The following CELSR1 variants were observed in gnomAD, a reference collection of about 807,000 sequenced individuals.
CELSR1 encodes the protein cadherin EGF LAG seven-pass G-type receptor 1, also known as adhesion G protein-coupled receptor C1.
In CELSR1, 110 loss-of-function variants were observed where a neutral mutation model predicts 249.1. The ratio of observed to expected loss-of-function variants is 0.44; its 90% CI spans 0.38 to 0.52. The LOEUF is 0.52. Ranked by LOEUF, CELSR1 falls within the 20% of genes least tolerant of loss-of-function variation. The pLI, the probability that CELSR1 is intolerant of heterozygous loss-of-function variation, is 0.00. For missense variants in CELSR1, 4,109 were observed against 4,296.4 expected (o/e 0.96, Z 1.22); for synonymous variants, 2,113 against 1,900.0 (o/e 1.11, Z -2.92).
intron 1 of CELSR1, among the ~76,000 whole-genome samples, chr22:46,474,343 TC>T (rs1412422021): frequency 3.3e-5 from 5 of 151,996 alleles, no homozygotes; most frequent in African/African-American, 7.2e-5. Flanking sequence ...AAGTCCACAC[TC>T]TGTAACCCCA....
Position 46,436,022 on chromosome 22 carries a change from T to C in CELSR1, c.4522+152A>G, listed in dbSNP as rs928448904. ...CCTGTTATGAACATCTTTGTGTACT[T>C]TGGATTTCTTAAATAAGACAGCTTC... On this transcript the variant is annotated intron_variant, in intron 4 of 34. Coordinates refer to ENST00000674500, the MANE Select transcript of CELSR1 (RefSeq NM_001378328.1). The surrounding 1 kb of genome is among the most constrained non-coding windows in gnomAD (Gnocchi z 5.9). The C allele has an allele frequency of 2.1e-5, 13 of 606,728 alleles. No homozygotes were observed. In the Admixed American group the frequency reaches 3.6e-4, roughly 17 times the overall value. The allele number at this position is 606,728 out of a possible 1,614,324, so 37.6% of individuals were successfully genotyped here.
intron 29 of CELSR1, 115 bp downstream of exon 29, chr22:46,366,878 C>A: frequency 1.4e-6 from 2 of 1,404,404 alleles, no homozygotes; most frequent in Middle Eastern, 5.2e-4. Context: ...GCTCTGCCAT[C>A]CCCACCGTGA....
Position 46,407,011 on chromosome 22 carries a change from G to T in CELSR1, c.5226+1985C>A, listed in dbSNP as rs944353361. Among the ~76,000 whole-genome samples the T allele has an allele frequency of 6.6e-6, 1 of 152,202 alleles. No homozygotes were observed. The highest frequency in any genetic ancestry group is 1.5e-5 in the Non-Finnish European group (1 of 68,026). On this transcript the variant is annotated intron_variant, in intron 9 of 34. Coordinates refer to ENST00000674500, the MANE Select transcript of CELSR1 (RefSeq NM_001378328.1). The surrounding 1 kb of genome is among the most constrained non-coding windows in gnomAD (Gnocchi z 4.8). Reference sequence around the variant, plus strand: ...CTTCCTGACCGCAGGAGCGGGGAGGGGGGGTCATCCTGGGAGAACAGGGTG... The same window carrying T: ...CTTCCTGACCGCAGGAGCGGGGAGGTGGGGTCATCCTGGGAGAACAGGGTG...
At position 46,390,618 on chromosome 22, in the gene CELSR1, G is replaced by C. The variant is rs1007601470; in HGVS notation, c.6251-132C>G. On this transcript the variant is annotated intron_variant, in intron 16 of 34. Transcript: ENST00000674500. The surrounding 1 kb of genome is among the most constrained non-coding windows in gnomAD (Gnocchi z 6.3). ...GTGGTTAGAACCCCATGGGGGCCAG[G>C]AGGTCGACACCAGCGCCCCTCTTTC... The C allele has an allele frequency of 7.8e-5, 53 of 678,640 alleles. No individual in the cohort carries two copies. In the African/African-American group the frequency reaches 9.0e-4, roughly 11 times the overall value. 42.0% of individuals were successfully genotyped at this position (678,640 alleles called of 1,614,324 possible).
Position 46,377,218 on chromosome 22 carries a change from A to G in CELSR1, c.7427T>C (p.Val2476Ala). Residue 2476 changes from valine to alanine, a missense_variant, in exon 24 of 35, where the codon GTG becomes GCG. By Grantham distance (64) the Val-to-Ala change is moderately conservative (BLOSUM62 0). Transcript: ENST00000674500. The stretch of plus-strand genomic sequence containing the variant: ...CAGCAGGGCTGCCAGTGACAAGGAC[A>G]CAGCGGCATAGGTGACAATCTTCAG... Reference protein sequence around the residue: ...LPLKIVTYAAVSLSLAALLVA... With the variant: ...LPLKIVTYAAASLSLAALLVA... The G allele has an allele frequency of 6.2e-7, 1 of 1,614,058 alleles. No homozygotes were observed. The highest frequency in any genetic ancestry group is 1.3e-5 in the African/African-American group (1 of 75,074).
chr22:46,492,353 A>G (rs1456799521), intron 1 of CELSR1, among the ~76,000 whole-genome samples: 2 of 152,242 alleles, frequency 1.3e-5, no homozygotes, highest in Non-Finnish European at 2.9e-5. Context: ...CACTAACAAC[A>G]TGGGGCACAC....
At chr22:46,491,523 A>T (rs1169573934) in intron 1 of CELSR1, among the ~76,000 whole-genome samples, 1 of 151,514 alleles carries the variant, frequency 6.6e-6, no homozygotes, top group Non-Finnish European at 1.5e-5. Flanking sequence ...TCGGCCTCCC[A>T]AAGTGCTGGG....
chr22:46,391,902 C>A lies in CELSR1; in HGVS notation c.5965-86G>T. 7.1e-7 allele frequency: 1 copy of A among 1,407,216 alleles called. No homozygotes were observed. Among genetic ancestry groups the A allele is most frequent in the Non-Finnish European group, 9.6e-7 (1 of 1,038,574 alleles). 87.2% of individuals were successfully genotyped at this position (1,407,216 alleles called of 1,614,324 possible). On this transcript the variant is annotated intron_variant, in intron 14 of 34. Transcript: ENST00000674500. The surrounding 1 kb of genome is among the most constrained non-coding windows in gnomAD (Gnocchi z 4.3). The stretch of plus-strand genomic sequence containing the variant: ...GCGTGTTTCCCGAGCGACGTCCAGA[C>A]TCCCACCCGGGTGTGTGTGTTGGCC...
At chr22:46,424,154 C>G (rs980464432) in intron 5 of CELSR1, among the ~76,000 whole-genome samples, 1 of 152,034 alleles carries the variant, frequency 6.6e-6, no homozygotes, top group Non-Finnish European at 1.5e-5. Context: ...ACAGCCTCGA[C>G]CTTCCAGGCC....
intron 1 of CELSR1, among the ~76,000 whole-genome samples, chr22:46,491,493 G>A (rs1194976461): frequency 6.6e-6 from 1 of 151,896 alleles, no homozygotes. Flanking sequence ...TCATACTCCT[G>A]ACCTTGTGAT....
chr22:46,523,524 T>C (rs2080706418), intron 1 of CELSR1, among the ~76,000 whole-genome samples: 5 of 82,292 alleles, frequency 6.1e-5, no homozygotes, highest in Non-Finnish European at 1.1e-4. Context: ...TGAGACTCTG[T>C]CTCAAATAAA....
Position 46,409,817 on chromosome 22 carries a change from T to C in CELSR1, c.4997A>G (p.Asn1666Ser). The C allele has an allele frequency of 6.2e-7, 1 of 1,613,956 alleles. No individual in the cohort carries two copies. The highest frequency in any genetic ancestry group is 2.2e-5 in the East Asian group (1 of 44,852). Residue 1666 changes from asparagine (N) to serine (S), a missense_variant, in exon 8 of 35, where the codon AAC (asparagine) becomes AGC (serine). Transcript: ENST00000674500. The surrounding 1 kb of genome is among the most constrained non-coding windows in gnomAD (Gnocchi z 9.8). ...RRCQNGGTCVNRWNMYLCECP... is the reference protein window; with the variant it reads ...RRCQNGGTCVSRWNMYLCECP... The stretch of plus-strand genomic sequence containing the variant: ...CTCACACAGATACATATTCCACCTG[T>C]TGACACAGGTGCCTCCATTCTGACA...
rs1037516905 is a variant in CELSR1, at chr22:46,463,917, C to T, written c.3973G>A (p.Asp1325Asn). The T allele has an allele frequency of 8.1e-6, 13 of 1,613,904 alleles. No individual in the cohort carries two copies. The highest frequency in any genetic ancestry group is 2.7e-5 in the African/African-American group (2 of 75,056). The change falls in exon 2 of 35, where the codon GAC becomes AAC. Residue 1325 changes from aspartate (D) to asparagine (N), a missense_variant. Physicochemically the swap from Asp to Asn is conservative, Grantham distance 23 (BLOSUM62 1). Coordinates refer to ENST00000674500, the MANE Select transcript of CELSR1 (RefSeq NM_001378328.1). ...GAGCTGAGGAAGGGCGCGGAGCTGT[C>T]GAATCGCAGAACGGACACGCACTTC... ...YMKCVSVLRF[D>N]SSAPFLSSTT... is the part of the protein sequence containing the mutation.
chr22:46,453,194 A>G (rs2079906648), intron 2 of CELSR1, among the ~76,000 whole-genome samples: 1 of 152,200 alleles, frequency 6.6e-6, no homozygotes, highest in South Asian at 2.1e-4. Flanking sequence ...GCAGCTGTGC[A>G]CAGCAGGGCT....
chr22:46,505,615 T>G (rs2080507588), intron 1 of CELSR1, among the ~76,000 whole-genome samples: 1 of 152,124 alleles, frequency 6.6e-6, no homozygotes, highest in Admixed American at 6.6e-5. Context: ...CACTCCAGCT[T>G]GGGTGACAGA....
At chr22:46,453,873 C>T (rs1602157681) in intron 2 of CELSR1, among the ~76,000 whole-genome samples, 1 of 152,038 alleles carries the variant, frequency 6.6e-6, no homozygotes, top group African/African-American at 2.4e-5. Flanking sequence ...TGTGAGTGGT[C>T]GAGATTGTTT....
At position 46,391,553 on chromosome 22, in the gene CELSR1, G is replaced by A. The variant is rs1038791316; in HGVS notation, c.6148+80C>T. ...GCCCAGGGTCCCCCAAACACCCAGC[G>A]TGCATGCACACACGTGCACGCCAGT... On this transcript the variant is annotated intron_variant, in intron 15 of 34. Transcript: ENST00000674500. The surrounding 1 kb of genome is among the most constrained non-coding windows in gnomAD (Gnocchi z 4.3). 2.5e-5 allele frequency: 36 copies of A among 1,419,836 alleles called. No homozygotes were observed. The highest frequency in any genetic ancestry group is 2.6e-4 in the Middle Eastern group (1 of 3,866). 88.0% of individuals were successfully genotyped at this position (1,419,836 alleles called of 1,614,324 possible).
At position 46,411,732 on chromosome 22, in the gene CELSR1, G is replaced by A. The variant is rs543942674; in HGVS notation, c.4639C>T (p.His1547Tyr). 101 of 1,614,180 alleles carry A rather than the reference G, an allele frequency of 6.3e-5. 1 individual carries two copies. The South Asian group carries it at 1.1e-3, about 17-fold the overall frequency. Residue 1547 changes from histidine to tyrosine, a missense_variant, in exon 6 of 35, where the codon CAT becomes TAT. This residue lies in a region of CELSR1 where 453 missense variants were observed against 492.0 expected (regional missense o/e 0.92). Transcript: ENST00000674500. The surrounding 1 kb of genome is among the most constrained non-coding windows in gnomAD (Gnocchi z 4.2). ...GCCATCTTTTCCCCGGACGGCCCAT[G>A]GGGCAGGCCCAGGTGGCCAATATTG... ...KPNIGHLGLP[H>Y]GPSGEKMAVV...
In CELSR1 at chr22:46,527,726, T is replaced by C. The variant is rs546750165; in HGVS notation, c.3544+5901A>G. On this transcript the variant is annotated intron_variant, in intron 1 of 34. Transcript: ENST00000674500. The surrounding 1 kb of genome is among the most constrained non-coding windows in gnomAD (Gnocchi z 5.5). ...TCAGAGCTCTGAAATGGTTAACTCA[T>C]TGCCAAAAGCACTGAACTCTCCTGG... 1.6e-4 allele frequency among the ~76,000 whole-genome samples: 24 copies of C among 152,322 alleles called. 1 individual carries two copies. The East Asian group carries it at 3.7e-3, about 23-fold the overall frequency.
Sources: allele counts gnomAD v4.1 joint callset (sites outside exome capture counted in the v4.1 genomes callset), GRCh38; gene constraint gnomAD v4.1.1; regional missense constraint gnomAD v4.1.1; non-coding constraint Gnocchi (gnomAD v3.1); transcripts MANE v1.5; gene names NCBI Gene and HGNC (gene_info 2026-07-23, HGNC 2026-07-21).